The following BTG4 variants were observed in gnomAD, a reference collection of about 807,000 sequenced individuals.
The protein encoded by BTG4 is protein BTG4.
A neutral mutation model predicts 19.3 loss-of-function variants in BTG4; 10 were observed. The ratio of observed to expected loss-of-function variants is 0.52; its 90% CI spans 0.32 to 0.88. The LOEUF is 0.88. Among genes scored for constraint, BTG4 ranks in the 40% least tolerant of loss-of-function variants. The pLI, the probability that BTG4 is intolerant of heterozygous loss-of-function variation, is 0.04. For missense variants in BTG4, 238 were observed against 281.9 expected, an observed-to-expected ratio of 0.84 and a Z score of 1.11; for synonymous variants, 91 against 95.7, an observed-to-expected ratio of 0.95 and a Z score of 0.29.
At chr11:111,469,711 T>G (rs552114452) in intron 5 of BTG4, 1 of 152,794 alleles carries the variant, frequency 6.5e-6, no homozygotes, top group South Asian at 2.1e-4. Context: ...TTTCAACTAT[T>G]ATTTTAAAGC....
chr11:111,488,675 A>C (rs1197490750), intron 5 of BTG4, among the ~76,000 whole-genome samples: 1 of 152,156 alleles, frequency 6.6e-6, no homozygotes, highest in African/African-American at 2.4e-5. Flanking sequence ...AGAATAGGAG[A>C]AGATATTTAC....
chr11:111,436,915 C>T, the BTG4 span, among the ~76,000 whole-genome samples: 1 of 152,166 alleles, frequency 6.6e-6, no homozygotes, highest in African/African-American at 2.4e-5. Context: ...AGCATGCCCT[C>T]CCCACCATCA....
chr11:111,497,090 T>C, intron 4 of BTG4, 121 bp downstream of exon 4: 1 of 1,004,246 alleles, frequency 1.0e-6, no homozygotes, highest in Non-Finnish European at 1.4e-6. Flanking sequence ...AGAGTCTGGC[T>C]TTTAAAAATC....
At chr11:111,408,668 T>C in the BTG4 span, among the ~76,000 whole-genome samples, 3 of 152,298 alleles carry the variant, frequency 2.0e-5, no homozygotes, top group East Asian at 5.8e-4. Context: ...TGAAGACTCT[T>C]CTCTCACCAG....
At chr11:111,443,858 C>T in the BTG4 span, among the ~76,000 whole-genome samples, 3 of 152,166 alleles carry the variant, frequency 2.0e-5, no homozygotes, top group African/African-American at 7.2e-5. Context: ...GGAAGCCTCA[C>T]TTAGAAGCCT....
At chr11:111,451,279 A>T in the BTG4 span, 26 of 380,054 alleles carry the variant, frequency 6.8e-5, no homozygotes, top group East Asian at 1.9e-3. Context: ...GAGCAATATG[A>T]CTGGCGGCGC....
At chr11:111,483,999 G>A (rs662800) in intron 5 of BTG4, among the ~76,000 whole-genome samples, 1 of 152,216 alleles carries the variant, frequency 6.6e-6, no homozygotes, top group South Asian at 2.1e-4. Context: ...AAATAACATA[G>A]AAAGGATCTC....
At chr11:111,418,485 G>C in the BTG4 span, among the ~76,000 whole-genome samples, 1 of 152,168 alleles carries the variant, frequency 6.6e-6, no homozygotes, top group Admixed American at 6.5e-5. Context: ...CACTATCACA[G>C]CACCTCCTAT....
the BTG4 span, among the ~76,000 whole-genome samples, chr11:111,446,156 A>G: frequency 6.6e-6 from 1 of 152,194 alleles, no homozygotes; most frequent in Non-Finnish European, 1.5e-5. Flanking sequence ...ACGTGAACCT[A>G]CTTTCTACTA....
At chr11:111,410,754 C>G in the BTG4 span, among the ~76,000 whole-genome samples, 1 of 152,218 alleles carries the variant, frequency 6.6e-6, no homozygotes, top group African/African-American at 2.4e-5. Context: ...AACCTGTCTA[C>G]TGATTTTCCA....
At chr11:111,471,567 T>C (rs188430920) in intron 5 of BTG4, among the ~76,000 whole-genome samples, 6 of 152,322 alleles carry the variant, frequency 3.9e-5, no homozygotes, top group Admixed American at 3.9e-4. Flanking sequence ...TCTTCTTTGC[T>C]GATCCCTGCT....
chr11:111,458,017 T>C, the BTG4 span: 1 of 152,758 alleles, frequency 6.5e-6, no homozygotes, highest in Non-Finnish European at 1.5e-5. Flanking sequence ...TGGACACCAA[T>C]GTGCTAGTGG....
At chr11:111,454,139 G>C in the BTG4 span, 7 of 375,206 alleles carry the variant, frequency 1.9e-5, no homozygotes, top group Non-Finnish European at 3.1e-5. Flanking sequence ...TGCCTGGACT[G>C]TTGAGGCTCT....
At chr11:111,450,847 G>A in the BTG4 span, 1 of 153,660 alleles carries the variant, frequency 6.5e-6, no homozygotes, top group Non-Finnish European at 1.5e-5. Context: ...CCAGGATCCA[G>A]GTGGGCATCG....
At chr11:111,439,476 C>A in the BTG4 span, among the ~76,000 whole-genome samples, 1 of 151,990 alleles carries the variant, frequency 6.6e-6, no homozygotes, top group Non-Finnish European at 1.5e-5. Flanking sequence ...TGGCCAGACA[C>A]CAGCTCAAGG....
upstream of BTG4, chr11:111,514,571 C>T (rs148242182): frequency 2.5e-3 from 1,475 of 585,324 alleles, 19 homozygotes; most frequent in East Asian, 0.019. Context: ...CGTTTTGACT[C>T]TCCCATATCC....
the BTG4 span, among the ~76,000 whole-genome samples, chr11:111,398,523 G>A: frequency 5.9e-4 from 89 of 151,912 alleles, 1 homozygote; most frequent in Non-Finnish European, 9.4e-4. Context: ...GCTCAATCTC[G>A]GCTCACTGCA....
chr11:111,440,032 T>C, the BTG4 span, among the ~76,000 whole-genome samples: 560 of 152,316 alleles, frequency 3.7e-3, 3 homozygotes, highest in South Asian at 0.019. Context: ...CAGAAACCTG[T>C]TCAGGGCTCA....
the BTG4 span, among the ~76,000 whole-genome samples, chr11:111,453,222 G>A: frequency 2.6e-5 from 4 of 152,314 alleles, no homozygotes; most frequent in African/African-American, 9.6e-5. Flanking sequence ...CTAGCAGTAG[G>A]GTGGAGGACA....
Sources: gnomAD v4.1 joint callset for allele counts (sites outside exome capture counted in the v4.1 genomes callset) on GRCh38, gnomAD v4.1.1 for gene constraint, MANE v1.5 for transcripts, NCBI Gene and HGNC (gene_info 2026-07-23, HGNC 2026-07-21) for gene names.